FIBP: variants seen among roughly 807,000 people sequenced by gnomAD.
FIBP encodes the protein acidic fibroblast growth factor intracellular-binding protein.
A neutral mutation model predicts 40.5 loss-of-function variants in FIBP; 29 were observed. The ratio of observed to expected loss-of-function variants is 0.72; its 90% CI spans 0.53 to 0.98. The LOEUF (loss-of-function observed/expected upper bound fraction) is 0.98. Ranked by LOEUF, FIBP falls within the 50% of genes least tolerant of loss-of-function variation. The pLI, the probability that FIBP is intolerant of heterozygous loss-of-function variation, is 0.00. For missense variants in FIBP, 411 were observed against 470.2 expected (o/e 0.87, Z 1.16); for synonymous variants, 215 against 191.1 (o/e 1.13, Z -1.03).
chr11:65,884,032 A>C lies in FIBP; in HGVS notation c.1016T>G (p.Leu339Arg). ...GAGGGTGCCCATGTAGCGGTCCCAGAGGGCCTGGTGTCTGTAAGAACATGA... is the reference window on the plus strand; with the variant it reads ...GAGGGTGCCCATGTAGCGGTCCCAGCGGGCCTGGTGTCTGTAAGAACATGA... ...HSLDGFRHQA[L>R]WDRYMGTLRG... Residue 339 changes from leucine (L) to arginine (R), a missense_variant, in exon 10 of 10, where the codon CTC becomes CGC. By Grantham distance (102) the Leu-to-Arg change is moderately radical. Coordinates refer to ENST00000357519, the MANE Select transcript of FIBP (RefSeq NM_004214.5). 1 of 1,613,634 alleles carries C rather than the reference A, an allele frequency of 6.2e-7. No individual in the cohort carries two copies. Among genetic ancestry groups the C allele is most frequent in the South Asian group, 1.1e-5 (1 of 90,906 alleles).
rs1003017807 is a variant in FIBP at position 65,883,785 on chromosome 11, C to G, written c.*189G>C. ...CTGGTGGATGGGCTGAGCACAGACA[C>G]CATTCCCTGAGATATGTCTCAGTTC... On this transcript the variant is annotated 3_prime_UTR_variant, in exon 10 of 10. Transcript: ENST00000357519. 11 of 743,200 alleles carry G rather than the reference C, an allele frequency of 1.5e-5. No individual in the cohort carries two copies. The Admixed American group carries it at 2.3e-4, about 15-fold the overall frequency. The allele number at this position is 743,200 out of a possible 1,614,324, so 46.0% of individuals were successfully genotyped here.
rs1860154571 is a variant in FIBP, at chr11:65,883,823, T to C, written c.*151A>G. The C allele has an allele frequency of 5.3e-6, 4 of 758,414 alleles. No homozygotes were observed. Among genetic ancestry groups the C allele is most frequent in the East Asian group, 5.4e-5 (2 of 37,150 alleles). The allele number at this position is 758,414 out of a possible 1,614,324, so 47.0% of individuals were successfully genotyped here. ...TATGTCTCAGTTCCCAAGGAGCCAC[T>C]GTACACATCCATCCTTGTACACGGA... is the stretch of plus-strand genomic sequence containing the variant. On this transcript the variant is annotated 3_prime_UTR_variant, in exon 10 of 10. Coordinates refer to ENST00000357519, the MANE Select transcript of FIBP (RefSeq NM_004214.5).
At chr11:65,886,518 TC>T in intron 3 of FIBP, 96 bp from the exon 4 acceptor site, 1 of 786,500 alleles carries the variant, frequency 1.3e-6, no homozygotes, top group Non-Finnish European at 2.3e-6. Context: ...CCCTTCCCCA[TC>T]CACCTATCCA....
intron 5 of FIBP, 35 bp downstream of exon 5, chr11:65,885,495 A>G (rs199592664): frequency 3.1e-6 from 5 of 1,600,118 alleles, no homozygotes; most frequent in African/African-American, 1.3e-5. Flanking sequence ...GAGGATGGGG[A>G]GGCGTCCAGG....
chr11:65,885,318 G>A lies in FIBP; in HGVS notation c.647-132C>T, dbSNP rs193024315. ...AAATGGAGTGTCAGAGAGATGGAGT[G>A]ACATGCCCCAGGCCACAGAGAGGCA... On this transcript the variant is annotated intron_variant, in intron 5 of 9. Transcript: ENST00000357519. The A allele has an allele frequency of 9.4e-5, 87 of 928,826 alleles. No homozygotes were observed. In the African/African-American group the frequency reaches 1.1e-3, roughly 12 times the overall value. 57.5% of individuals were successfully genotyped at this position (928,826 alleles called of 1,614,324 possible).
At chr11:65,887,111 C>G (rs1347217486) in intron 3 of FIBP, 3 of 223,984 alleles carry the variant, frequency 1.3e-5, no homozygotes, top group African/African-American at 7.0e-5. Context: ...TCAGGTCATT[C>G]TGAAAGGTCA....
intron 4 of FIBP, 147 bp from the exon 5 acceptor site, chr11:65,885,810 A>T (rs1860220784): frequency 1.3e-5 from 10 of 756,938 alleles, no homozygotes; most frequent in Non-Finnish European, 2.2e-5. Context: ...CTTCTCTATG[A>T]CCCTTCCCCA....
At chr11:65,887,834 T>G (rs767976816) in intron 2 of FIBP, 100 bp downstream of exon 2, 7 of 1,592,270 alleles carry the variant, frequency 4.4e-6, no homozygotes, top group Non-Finnish European at 6.0e-6. Context: ...AACTTTCTGA[T>G]GGCTGGGTAA....
chr11:65,886,294 C>G (rs780962993), intron 4 of FIBP, 28 bp downstream of exon 4: 1 of 1,500,514 alleles, frequency 6.7e-7, no homozygotes, highest in East Asian at 2.3e-5. Context: ...AAGTAGTGTG[C>G]GGGATGGGGA....
chr11:65,887,536 A>C, intron 3 of FIBP, 64 bp downstream of exon 3: 1 of 1,558,260 alleles, frequency 6.4e-7, no homozygotes, highest in Non-Finnish European at 8.8e-7. Context: ...GAACTGGGCC[A>C]GTGGCCAAAG....
At chr11:65,885,476 T>C (rs1354422595) in intron 5 of FIBP, 54 bp downstream of exon 5, 3 of 1,584,124 alleles carry the variant, frequency 1.9e-6, no homozygotes, top group Non-Finnish European at 2.6e-6. Flanking sequence ...TGGTGGGGAA[T>C]CAGGTCCTGA....
intron 2 of FIBP, 69 bp from the exon 3 acceptor site, chr11:65,887,795 AG>A (rs761192768): frequency 6.5e-7 from 1 of 1,538,708 alleles, no homozygotes; most frequent in East Asian, 2.2e-5. Context: ...GGGGCCTAGC[AG>A]GGCCTAGGTC....
At chr11:65,885,801 TTCTC>T in intron 4 of FIBP, 138 bp from the exon 5 acceptor site, 1 of 834,166 alleles carries the variant, frequency 1.2e-6, no homozygotes. Flanking sequence ...CTCAAGTCAC[TTCTC>T]TATGACCCTT....
intron 7 of FIBP, 26 bp downstream of exon 7, chr11:65,884,909 G>A: frequency 1.2e-6 from 2 of 1,613,556 alleles, no homozygotes; most frequent in Non-Finnish European, 1.7e-6. Flanking sequence ...GATGCCAAGG[G>A]TCAGAGGCTG....
chr11:65,887,007 A>C (rs7946742), intron 3 of FIBP: 186,164 of 193,258 alleles, frequency 0.96, 90,055 homozygotes, highest in East Asian at 1. Flanking sequence ...GGGATGAGAT[A>C]ACAGGACAGT....
At chr11:65,886,617 C>CTTG (rs2134774978) in intron 3 of FIBP, 195 bp from the exon 4 acceptor site, 1 of 541,650 alleles carries the variant, frequency 1.8e-6, no homozygotes, top group East Asian at 3.0e-5. Context: ...CTTAGCAACT[C>CTTG]CTGCTGTATC....
In FIBP at chr11:65,887,663, G is replaced by C. The variant is rs781353414; in HGVS notation, c.348C>G (p.Thr116=). ...EVLGKKLSKG[T]KKDLDDISTK... ...TGCTGATGTCATCCAGGTCTTTCTT[G>C]GTGCCTTTGGACAGCTTCTTGCCCA... is the stretch of plus-strand genomic sequence containing the variant. Residue 116 remains threonine, a synonymous_variant, in exon 3 of 10, where the codon ACC becomes ACG. Transcript: ENST00000357519. 2 of 1,614,114 alleles carry C rather than the reference G, an allele frequency of 1.2e-6. No homozygotes were observed. The highest frequency in any genetic ancestry group is 3.3e-5 in the Admixed American group (2 of 60,016).
chr11:65,887,304 G>A (rs1591078728), intron 3 of FIBP: 15 of 420,072 alleles, frequency 3.6e-5, no homozygotes, highest in South Asian at 3.2e-4. Context: ...AAATTAGCTG[G>A]GTGTGGGAGC....
At chr11:65,886,213 T>G in intron 4 of FIBP, 109 bp downstream of exon 4, 1 of 509,980 alleles carries the variant, frequency 2.0e-6, no homozygotes, top group Non-Finnish European at 3.6e-6. Context: ...AGTGGGATAA[T>G]CATTCCCCCA....
Sources: gnomAD v4.1 joint callset for allele counts on GRCh38, gnomAD v4.1.1 for gene constraint, MANE v1.5 for transcripts, NCBI Gene and HGNC (gene_info 2026-07-23, HGNC 2026-07-21) for gene names.